Variants in FAM107B observed in about 807,000 individuals in gnomAD.
FAM107B encodes protein FAM107B.
In FAM107B, 21 loss-of-function variants were observed where a neutral mutation model predicts 31.5. The ratio of observed to expected loss-of-function variants is 0.67; its 90% confidence interval spans 0.47 to 0.96. The LOEUF is 0.96. Ranked by LOEUF, FAM107B falls within the 40% of genes least tolerant of loss-of-function variation. The probability of loss-of-function intolerance (pLI) is 0.00; values close to 1 mark genes in which losing one functional copy is unlikely to be tolerated. For missense variants in FAM107B, 452 were observed against 377.1 expected, an observed-to-expected ratio of 1.20 and a Z score of -1.64; for synonymous variants, 157 against 141.5, an observed-to-expected ratio of 1.11 and a Z score of -0.78.
intron 2 of FAM107B, among the ~76,000 whole-genome samples, chr10:14,572,764 AGTGT>A (rs1564580125): frequency 1.4e-5 from 1 of 70,786 alleles, no homozygotes; most frequent in East Asian, 5.6e-4. Context: ...TATATATTAG[AGTGT>A]GTGTGTATAT....
chr10:14,713,679 A>C (rs1328088742), intron 1 of FAM107B, among the ~76,000 whole-genome samples: 1 of 152,196 alleles, frequency 6.6e-6, no homozygotes, highest in Admixed American at 6.5e-5. Context: ...ATTTGATGTC[A>C]TTTGAAACAA....
intron 1 of FAM107B, among the ~76,000 whole-genome samples, chr10:14,685,142 A>ATTTT (rs59475861): frequency 2.7e-5 from 1 of 36,778 alleles, no homozygotes; most frequent in Non-Finnish European, 5.2e-5. Flanking sequence ...ACATCCTTTT[A>ATTTT]TTTTTTTTTT....
chr10:14,766,246 A>AATGATC (rs1385359241), intron 1 of FAM107B, among the ~76,000 whole-genome samples: 1 of 152,226 alleles, frequency 6.6e-6, no homozygotes, highest in African/African-American at 2.4e-5. Context: ...AAATTAATGA[A>AATGATC]ATGATCCTAG....
At chr10:14,766,288 A>G (rs925165565) in intron 1 of FAM107B, among the ~76,000 whole-genome samples, 7 of 152,238 alleles carry the variant, frequency 4.6e-5, no homozygotes, top group Non-Finnish European at 7.3e-5. Flanking sequence ...AGAAAAGACA[A>G]AGGATGGGCA....
At chr10:14,670,297 G>A (rs995931508) in intron 1 of FAM107B, among the ~76,000 whole-genome samples, 1 of 152,084 alleles carries the variant, frequency 6.6e-6, no homozygotes, top group Admixed American at 6.5e-5. Flanking sequence ...GGGTAAATAA[G>A]GCCTCAGTTC....
intron 1 of FAM107B, among the ~76,000 whole-genome samples, chr10:14,773,686 C>T (rs1212735574): frequency 6.6e-6 from 1 of 152,154 alleles, no homozygotes; most frequent in Admixed American, 6.5e-5. Context: ...CTGCCTTCAA[C>T]TCTCAGAAGA....
chr10:14,688,858 C>T (rs1177224692), intron 1 of FAM107B, among the ~76,000 whole-genome samples: 1 of 152,164 alleles, frequency 6.6e-6, no homozygotes, highest in Admixed American at 6.5e-5. Flanking sequence ...GCCCTTTGAC[C>T]TCTTTCTGTT....
chr10:14,639,629 A>T (rs1853583468), intron 2 of FAM107B, among the ~76,000 whole-genome samples: 1 of 152,108 alleles, frequency 6.6e-6, no homozygotes, highest in Non-Finnish European at 1.5e-5. Context: ...TTACATTCCA[A>T]TTCCAGCCTT....
chr10:14,686,214 C>A (rs1029220253), intron 1 of FAM107B, among the ~76,000 whole-genome samples: 5 of 152,024 alleles, frequency 3.3e-5, no homozygotes, highest in Non-Finnish European at 7.4e-5. Context: ...CATGGTGAAA[C>A]CCCGTCTCTA....
At chr10:14,533,782 A>T (rs997219484) in intron 2 of FAM107B, among the ~76,000 whole-genome samples, 5 of 152,188 alleles carry the variant, frequency 3.3e-5, no homozygotes, top group African/African-American at 1.2e-4. Context: ...TGAATCTAGG[A>T]AACAGGCCCT....
At chr10:14,592,486 C>T (rs1461542850) in intron 2 of FAM107B, among the ~76,000 whole-genome samples, 1 of 152,182 alleles carries the variant, frequency 6.6e-6, no homozygotes, top group East Asian at 1.9e-4. Flanking sequence ...AGAGACAACA[C>T]CTAACAGGTG....
intron 2 of FAM107B, among the ~76,000 whole-genome samples, chr10:14,634,580 C>T (rs1853448926): frequency 6.6e-6 from 1 of 151,702 alleles, no homozygotes; most frequent in South Asian, 2.1e-4. Context: ...CAGAAAACAG[C>T]TGCCAGCTTA....
At chr10:14,603,153 A>G (rs928784113) in intron 2 of FAM107B, among the ~76,000 whole-genome samples, 15 of 152,174 alleles carry the variant, frequency 9.9e-5, no homozygotes, top group Non-Finnish European at 2.1e-4. Flanking sequence ...ATTAATATAT[A>G]AAATTTTCTC....
intron 1 of FAM107B, among the ~76,000 whole-genome samples, chr10:14,706,204 C>T (rs1262623715): frequency 2.0e-5 from 3 of 152,102 alleles, no homozygotes; most frequent in Non-Finnish European, 4.4e-5. Flanking sequence ...TGATATATAC[C>T]ACCTTGTTCT....
At chr10:14,710,848 A>T (rs1357861741) in intron 1 of FAM107B, among the ~76,000 whole-genome samples, 1 of 152,208 alleles carries the variant, frequency 6.6e-6, no homozygotes. Context: ...ACAGTAAAGA[A>T]GTTGAAAAAG....
intron 2 of FAM107B, among the ~76,000 whole-genome samples, chr10:14,601,744 C>G (rs894874350): frequency 1.8e-4 from 28 of 152,214 alleles, no homozygotes; most frequent in African/African-American, 6.8e-4. Context: ...ACACAGAATT[C>G]TGGAGGGAAG....
At chr10:14,672,194 T>G (rs1266188254) in intron 1 of FAM107B, among the ~76,000 whole-genome samples, 1 of 152,014 alleles carries the variant, frequency 6.6e-6, no homozygotes, top group African/African-American at 2.4e-5. Context: ...GTTCAAGCGA[T>G]TCTCCTGCCT....
intron 1 of FAM107B, among the ~76,000 whole-genome samples, chr10:14,714,900 G>T (rs1188172044): frequency 6.6e-6 from 1 of 152,084 alleles, no homozygotes; most frequent in Admixed American, 6.6e-5. Flanking sequence ...TATATAGCCA[G>T]GTTTATCCTC....
intron 2 of FAM107B, among the ~76,000 whole-genome samples, chr10:14,565,558 A>G (rs1333361580): frequency 6.6e-6 from 1 of 152,224 alleles, no homozygotes; most frequent in Admixed American, 6.5e-5. Context: ...TTACAGACTC[A>G]CTGCATTTTA....
Sources: allele counts gnomAD v4.1 joint callset (sites outside exome capture counted in the v4.1 genomes callset), GRCh38; gene constraint gnomAD v4.1.1; transcripts MANE v1.5; gene names NCBI Gene and HGNC (gene_info 2026-07-23, HGNC 2026-07-21).